Variants in AFG1L observed in about 807,000 individuals in gnomAD.
The protein encoded by AFG1L is AFG1 like ATPase.
AFG1L carries 53 observed loss-of-function variants against 62.2 expected under a neutral mutation model. The observed-to-expected ratio is 0.85, with a 90% CI of 0.68 to 1.07. AFG1L has a LOEUF of 1.07. AFG1L is among the 50% of genes least tolerant of loss of function. The pLI is 0.00. For missense variants in AFG1L, 555 were observed against 590.5 expected (o/e 0.94, Z 0.62); for synonymous variants, 228 against 210.3 (o/e 1.08, Z -0.73).
Position 108,522,847 on chromosome 6 carries a change from A to G in AFG1L, c.*422A>G, listed in dbSNP as rs1775176483. ...AATGCCCTATGTTTCAATTCAAAACAAAGACAGTTTTCCAATCTGATATAA... is the reference window on the plus strand; with the variant it reads ...AATGCCCTATGTTTCAATTCAAAACGAAGACAGTTTTCCAATCTGATATAA... On this transcript the variant is annotated 3_prime_UTR_variant, in exon 13 of 13. Coordinates refer to ENST00000368977, the MANE Select transcript of AFG1L (RefSeq NM_145315.5). 6.5e-6 allele frequency: 1 copy of G among 153,610 alleles called. No homozygotes were observed. Among genetic ancestry groups the G allele is most frequent in the Admixed American group, 6.4e-5 (1 of 15,526 alleles). The allele number at this position is 153,610 out of a possible 1,614,324, so 9.5% of individuals were successfully genotyped here.
intron 1 of AFG1L, among the ~76,000 whole-genome samples, chr6:108,311,364 C>G (rs1777399777): frequency 6.6e-6 from 1 of 152,148 alleles, no homozygotes; most frequent in Non-Finnish European, 1.5e-5. Flanking sequence ...GAGTACCCTT[C>G]CTAAACTCCC....
At chr6:108,476,129 G>A (rs1039635094) in intron 8 of AFG1L, among the ~76,000 whole-genome samples, 8 of 151,768 alleles carry the variant, frequency 5.3e-5, no homozygotes, top group Middle Eastern at 3.4e-3. Context: ...AAAAAAAGGC[G>A]AGAGGAAAAA....
intron 8 of AFG1L, among the ~76,000 whole-genome samples, chr6:108,465,425 A>G (rs1772627325): frequency 6.6e-6 from 1 of 152,106 alleles, no homozygotes. Flanking sequence ...TATATAATCT[A>G]TATCCTTGCA....
chr6:108,438,566 C>A (rs61657126), intron 7 of AFG1L, among the ~76,000 whole-genome samples: 14,961 of 151,834 alleles, frequency 0.099, 1,025 homozygotes, highest in South Asian at 0.19. Context: ...TAAGTTACCT[C>A]TCTGATCCTA....
intron 2 of AFG1L, among the ~76,000 whole-genome samples, chr6:108,331,624 A>T (rs1276378833): frequency 2.6e-5 from 4 of 152,236 alleles, no homozygotes; most frequent in Non-Finnish European, 4.4e-5. Context: ...AAAATTTACA[A>T]CCAGGTTAAT....
At chr6:108,318,655 G>A (rs1332387650) in intron 1 of AFG1L, among the ~76,000 whole-genome samples, 2 of 152,188 alleles carry the variant, frequency 1.3e-5, no homozygotes, top group Admixed American at 1.3e-4. Context: ...AGTATAGTAG[G>A]ATCTTCCTGA....
chr6:108,399,761 G>A (rs191901879), intron 6 of AFG1L, among the ~76,000 whole-genome samples: 226 of 112,634 alleles, frequency 2.0e-3, no homozygotes, highest in African/African-American at 7.5e-3. Flanking sequence ...GGGTGTGGAA[G>A]TATCTCTCTT....
chr6:108,363,878 A>G (rs914508813), intron 5 of AFG1L, among the ~76,000 whole-genome samples: 3 of 152,226 alleles, frequency 2.0e-5, no homozygotes, highest in African/African-American at 7.2e-5. Flanking sequence ...AATTACTGAT[A>G]ATGCATGCTT....
intron 2 of AFG1L, among the ~76,000 whole-genome samples, chr6:108,331,254 C>T (rs1005365476): frequency 5.3e-5 from 8 of 152,102 alleles, no homozygotes; most frequent in Non-Finnish European, 5.9e-5. Context: ...CCACTGCACT[C>T]CAGCCTGGGC....
At chr6:108,409,346 A>G (rs929834923) in intron 7 of AFG1L, among the ~76,000 whole-genome samples, 13 of 152,200 alleles carry the variant, frequency 8.5e-5, no homozygotes, top group African/African-American at 3.1e-4. Context: ...AGAACTCACA[A>G]TCAAAGTTGA....
chr6:108,423,047 G>A (rs1233649494), intron 7 of AFG1L, among the ~76,000 whole-genome samples: 1 of 152,018 alleles, frequency 6.6e-6, no homozygotes, highest in African/African-American at 2.4e-5. Context: ...TTCAGGTATA[G>A]GTCACAGGAA....
intron 1 of AFG1L, among the ~76,000 whole-genome samples, chr6:108,318,648 A>G (rs1777695402): frequency 6.6e-6 from 1 of 152,222 alleles, no homozygotes; most frequent in African/African-American, 2.4e-5. Context: ...GCTGTGGAGT[A>G]TAGTAGGATC....
At chr6:108,363,927 G>A (rs921826461) in intron 5 of AFG1L, among the ~76,000 whole-genome samples, 1 of 152,076 alleles carries the variant, frequency 6.6e-6, no homozygotes, top group Non-Finnish European at 1.5e-5. Flanking sequence ...ACCAATCAGT[G>A]GATGACTGAG....
chr6:108,446,555 A>C (rs964909261), intron 7 of AFG1L, among the ~76,000 whole-genome samples: 14 of 147,518 alleles, frequency 9.5e-5, no homozygotes, highest in African/African-American at 3.6e-4. Context: ...CCCAGGCTGA[A>C]GTGCAGTGGC....
intron 6 of AFG1L, among the ~76,000 whole-genome samples, chr6:108,371,673 AT>A (rs1387307869): frequency 2.6e-5 from 4 of 151,740 alleles, no homozygotes; most frequent in Non-Finnish European, 5.9e-5. Context: ...CATGATTACT[AT>A]TTTAGTTTTT....
intron 7 of AFG1L, among the ~76,000 whole-genome samples, chr6:108,410,957 G>C (rs767359317): frequency 3.3e-5 from 5 of 152,258 alleles, no homozygotes; most frequent in Middle Eastern, 3.4e-3. Flanking sequence ...CCTTGGACCA[G>C]GGTGGGGCAT....
chr6:108,355,705 A>G lies in AFG1L; in HGVS notation c.467A>G (p.Lys156Arg), dbSNP rs566171740. 24 of 1,611,318 alleles carry G rather than the reference A, an allele frequency of 1.5e-5. No individual in the cohort carries two copies. In the Middle Eastern group the frequency reaches 5.0e-4, roughly 33 times the overall value. The change falls in exon 4 of 13, where the codon AAG becomes AGG. Residue 156 changes from lysine (K) to arginine (R), a missense_variant. Physicochemically the swap from Lys to Arg is conservative, Grantham distance 26. Coordinates refer to ENST00000368977, the MANE Select transcript of AFG1L (RefSeq NM_145315.5). ...MDMFYAYVEM[K>R]RKKRVHFHGF... is the part of the protein sequence containing the mutation. ...ATGTTTTATGCTTATGTGGAAATGA[A>G]GAGGAAAAAACGGGTTCATTTTCAT...
chr6:108,518,934 G>T (rs771641412), intron 11 of AFG1L, among the ~76,000 whole-genome samples: 1 of 152,226 alleles, frequency 6.6e-6, no homozygotes, highest in Non-Finnish European at 1.5e-5. Flanking sequence ...CCTGGGGAGC[G>T]TCTTAGGTGC....
chr6:108,415,849 C>T (rs1423343017), intron 7 of AFG1L, among the ~76,000 whole-genome samples: 3 of 152,166 alleles, frequency 2.0e-5, no homozygotes, highest in African/African-American at 7.2e-5. Context: ...CCATTTAGGA[C>T]ATAGGCATGG....
Sources: allele counts gnomAD v4.1 joint callset (sites outside exome capture counted in the v4.1 genomes callset), GRCh38; gene constraint gnomAD v4.1.1; transcripts MANE v1.5; gene names NCBI Gene and HGNC (gene_info 2026-07-23, HGNC 2026-07-21).